Variants in PPP1R21 observed in about 807,000 individuals in gnomAD.
The protein encoded by PPP1R21 is protein phosphatase 1 regulatory subunit 21.
PPP1R21 carries 85 observed loss-of-function variants against 112.8 expected under a neutral mutation model. The ratio of observed to expected loss-of-function variants is 0.75; its 90% CI spans 0.63 to 0.90. PPP1R21 has a LOEUF of 0.90. Ranked by LOEUF, PPP1R21 falls within the 40% of genes least tolerant of loss-of-function variation. The probability of loss-of-function intolerance (pLI) is 0.00; values close to 1 mark genes in which losing one functional copy is unlikely to be tolerated. For missense variants in PPP1R21, 1,199 were observed against 901.5 expected, an observed-to-expected ratio of 1.33 and a Z score of -4.23; for synonymous variants, 381 against 322.3, an observed-to-expected ratio of 1.18 and a Z score of -1.95.
intron 15 of PPP1R21, among the ~76,000 whole-genome samples, chr2:48,493,489 C>T (rs551289579): frequency 6.9e-4 from 105 of 152,084 alleles, no homozygotes; most frequent in African/African-American, 2.4e-3. Flanking sequence ...CATTCTTAGC[C>T]AGGGTTGATT....
chr2:48,507,534 A>G (rs1330398178), intron 19 of PPP1R21, 149 bp downstream of exon 19: 3 of 1,216,944 alleles, frequency 2.5e-6, no homozygotes, highest in Non-Finnish European at 3.3e-6. Context: ...CGCCCAGCTA[A>G]TTTTTTGTAT....
At chr2:48,448,834 A>G (rs1667359829) in intron 1 of PPP1R21, among the ~76,000 whole-genome samples, 1 of 152,176 alleles carries the variant, frequency 6.6e-6, no homozygotes, top group Admixed American at 6.5e-5. Flanking sequence ...CACAGTAAAT[A>G]TTTTAGGCTT....
At chr2:48,448,670 G>A (rs1226667806) in intron 1 of PPP1R21, among the ~76,000 whole-genome samples, 2 of 149,930 alleles carry the variant, frequency 1.3e-5, no homozygotes, top group East Asian at 3.9e-4. Context: ...GGATTTGAAA[G>A]TATTTATTGA....
intron 7 of PPP1R21, 58 bp downstream of exon 7, chr2:48,461,290 A>G: frequency 6.9e-7 from 1 of 1,445,266 alleles, no homozygotes; most frequent in Non-Finnish European, 9.1e-7. Flanking sequence ...TGTGGTAGCC[A>G]ACTAATTAAA....
At chr2:48,454,863 A>G in intron 3 of PPP1R21, 122 bp downstream of exon 3, 1 of 764,946 alleles carries the variant, frequency 1.3e-6, no homozygotes, top group Non-Finnish European at 2.2e-6. Context: ...TGTTTGAGAC[A>G]GGGTCTTGCT....
At chr2:48,478,600 G>A (rs1221398599) in intron 12 of PPP1R21, among the ~76,000 whole-genome samples, 2 of 152,144 alleles carry the variant, frequency 1.3e-5, no homozygotes, top group Non-Finnish European at 2.9e-5. Flanking sequence ...AATCAATTCA[G>A]TTTGGGCTCT....
chr2:48,475,016 C>T (rs1031231790), intron 12 of PPP1R21, among the ~76,000 whole-genome samples, 197 bp downstream of exon 12: 3 of 152,144 alleles, frequency 2.0e-5, no homozygotes, highest in Non-Finnish European at 4.4e-5. Context: ...TTCTGGTTTT[C>T]TATTTATATA....
At chr2:48,462,354 A>G (rs1668012200) in intron 7 of PPP1R21, among the ~76,000 whole-genome samples, 1 of 152,188 alleles carries the variant, frequency 6.6e-6, no homozygotes, top group African/African-American at 2.4e-5. Context: ...GCAGAGATAG[A>G]TGTAGAAATG....
rs371631816 is a variant in PPP1R21 at position 48,510,144 on chromosome 2, T to A, written c.2184+31T>A. On this transcript the variant is annotated intron_variant, in intron 20 of 21. Coordinates refer to ENST00000294952, the MANE Select transcript of PPP1R21 (RefSeq NM_001135629.3). ...TTAAGTGTTACCTGAATGGTTTTAATGTTTTTTCATTGAAAGTTCTTTGGT... is the reference window on the plus strand; with the variant it reads ...TTAAGTGTTACCTGAATGGTTTTAAAGTTTTTTCATTGAAAGTTCTTTGGT... 3.1e-5 allele frequency: 48 copies of A among 1,530,502 alleles called. No individual in the cohort carries two copies. The Middle Eastern group carries it at 1.2e-3, about 38-fold the overall frequency. The allele number at this position is 1,530,502 out of a possible 1,614,324, so 94.8% of individuals were successfully genotyped here.
At chr2:48,493,237 C>T (rs1669653149) in intron 15 of PPP1R21, among the ~76,000 whole-genome samples, 1 of 152,046 alleles carries the variant, frequency 6.6e-6, no homozygotes, top group African/African-American at 2.4e-5. Flanking sequence ...GATCTCCTGA[C>T]CTCCTGATCC....
chr2:48,514,835 T>G lies in PPP1R21; in HGVS notation c.*91T>G. On this transcript the variant is annotated 3_prime_UTR_variant, in exon 22 of 22. Transcript: ENST00000294952. ...TGAGACCACGTCCATGCTGGCTGCC[T>G]TCAGGAAGCTAAAGTATTGTTGGAC... 7.7e-7 allele frequency: 1 copy of G among 1,292,764 alleles called. No homozygotes were observed. Among genetic ancestry groups the G allele is most frequent in the Non-Finnish European group, 1.1e-6 (1 of 906,116 alleles). The allele number at this position is 1,292,764 out of a possible 1,614,324, so 80.1% of individuals were successfully genotyped here. A position where few individuals can be genotyped will look rare whatever the true frequency, so the allele number is the denominator to read the frequency against.
At chr2:48,441,175 C>T (rs975480895) in intron 1 of PPP1R21, 165 bp downstream of exon 1, 7 of 633,016 alleles carry the variant, frequency 1.1e-5, no homozygotes, top group African/African-American at 5.8e-5. Context: ...CCACCTGCAG[C>T]TCCCAGGAGA....
intron 17 of PPP1R21, among the ~76,000 whole-genome samples, chr2:48,502,481 T>G (rs1299670352): frequency 6.6e-6 from 1 of 152,066 alleles, no homozygotes; most frequent in Non-Finnish European, 1.5e-5. Context: ...TTAAGTGACC[T>G]TAAGGGAACT....
At position 48,474,560 on chromosome 2, in the gene PPP1R21, A is replaced by G. The variant is rs558413522; in HGVS notation, c.1089-123A>G. ...AAAAAAATGGAGCCATGCAAATGAG[A>G]TCAAATTCTTTTTTCTGCAATATCT... On this transcript the variant is annotated intron_variant, in intron 11 of 21. Transcript: ENST00000294952. 1.7e-5 allele frequency: 14 copies of G among 839,562 alleles called. No homozygotes were observed. The East Asian group carries it at 3.5e-4, about 21-fold the overall frequency. 52.0% of individuals were successfully genotyped at this position (839,562 alleles called of 1,614,324 possible).
chr2:48,499,563 A>T (rs2103638430), intron 17 of PPP1R21, among the ~76,000 whole-genome samples: 1 of 152,320 alleles, frequency 6.6e-6, no homozygotes, highest in East Asian at 1.9e-4. Flanking sequence ...GTCTACCAAA[A>T]GTAAAATAAA....
chr2:48,512,223 C>T (rs1670672475), intron 21 of PPP1R21, among the ~76,000 whole-genome samples: 1 of 152,132 alleles, frequency 6.6e-6, no homozygotes, highest in South Asian at 2.1e-4. Context: ...CTTCTGCTTG[C>T]CCAGACTGAG....
At chr2:48,465,418 A>C in intron 8 of PPP1R21, 75 bp from the exon 9 acceptor site, 1 of 1,329,076 alleles carries the variant, frequency 7.5e-7, no homozygotes. Context: ...TGTTTTCTCC[A>C]GATCAGACTC....
chr2:48,461,107 A>G, intron 6 of PPP1R21, 31 bp from the exon 7 acceptor site: 1 of 1,566,568 alleles, frequency 6.4e-7, no homozygotes, highest in Non-Finnish European at 8.6e-7. Context: ...ATTGGTGATA[A>G]TGTGGTTTTG....
intron 21 of PPP1R21, among the ~76,000 whole-genome samples, chr2:48,512,055 G>C (rs1444109394): frequency 6.6e-6 from 1 of 152,082 alleles, no homozygotes; most frequent in African/African-American, 2.4e-5. Context: ...GAAAAGTTAG[G>C]GGGACTCACA....
Sources: allele counts gnomAD v4.1 joint callset (sites outside exome capture counted in the v4.1 genomes callset), GRCh38; gene constraint gnomAD v4.1.1; transcripts MANE v1.5; gene names NCBI Gene and HGNC (gene_info 2026-07-23, HGNC 2026-07-21).